NELL1: variants seen among roughly 807,000 people sequenced by gnomAD.
The protein encoded by NELL1 is protein kinase C-binding protein NELL1.
A neutral mutation model predicts 107.4 loss-of-function variants in NELL1; 76 were observed. The observed-to-expected ratio is 0.71, with a 90% confidence interval of 0.59 to 0.86. The LOEUF is 0.86. Ranked by LOEUF, NELL1 falls within the 40% of genes least tolerant of loss-of-function variation. The pLI is 0.00. For synonymous variants in NELL1, 353 were observed against 341.2 expected (o/e 1.03, Z -0.38); for missense variants, 1,024 against 1,005.5 (o/e 1.02, Z -0.25).
At chr11:21,017,301 T>C (rs759726369) in intron 12 of NELL1, among the ~76,000 whole-genome samples, 1 of 152,112 alleles carries the variant, frequency 6.6e-6, no homozygotes, top group African/African-American at 2.4e-5. Flanking sequence ...TGTTTGCTGC[T>C]GTAGCTCTAA....
chr11:21,313,388 G>A (rs1239543345), intron 14 of NELL1, among the ~76,000 whole-genome samples: 1 of 152,080 alleles, frequency 6.6e-6, no homozygotes, highest in Admixed American at 6.6e-5. Context: ...TTAGGCTTGA[G>A]AATCAAGTCA....
chr11:21,435,147 G>T (rs758329662), intron 15 of NELL1, among the ~76,000 whole-genome samples: 35 of 152,080 alleles, frequency 2.3e-4, no homozygotes, highest in Non-Finnish European at 1.0e-4. Context: ...TGCTTTTCCA[G>T]TTTCCATGCA....
intron 14 of NELL1, among the ~76,000 whole-genome samples, chr11:21,364,363 A>G (rs1851161239): frequency 7.2e-6 from 1 of 139,484 alleles, no homozygotes; most frequent in African/African-American, 2.8e-5. Context: ...GTGAGCCGAG[A>G]TCACACCATG....
At chr11:20,936,472 T>A (rs1564975274) in intron 9 of NELL1, among the ~76,000 whole-genome samples, 1 of 152,176 alleles carries the variant, frequency 6.6e-6, no homozygotes, top group South Asian at 2.1e-4. Context: ...ATGGACTAGA[T>A]GACTACTGTT....
chr11:20,714,821 C>G (rs1033533593), intron 2 of NELL1, among the ~76,000 whole-genome samples: 2 of 152,128 alleles, frequency 1.3e-5, no homozygotes, highest in African/African-American at 4.8e-5. Flanking sequence ...AGGGATATAA[C>G]AGTGAAGAAA....
At chr11:21,113,891 T>C (rs1202061544) in intron 13 of NELL1, among the ~76,000 whole-genome samples, 177 bp downstream of exon 13, 41 of 152,004 alleles carry the variant, frequency 2.7e-4, no homozygotes, top group East Asian at 1.9e-4. Flanking sequence ...ATCTGCATAA[T>C]TGATTTCCAC....
intron 12 of NELL1, among the ~76,000 whole-genome samples, chr11:21,057,379 T>TA (rs1378658376): frequency 2.0e-5 from 3 of 152,174 alleles, no homozygotes; most frequent in Non-Finnish European, 4.4e-5. Context: ...CTACTTTTTT[T>TA]ACCAGAGAAA....
intron 14 of NELL1, among the ~76,000 whole-genome samples, chr11:21,262,930 ACTTGT>A (rs1295730079): frequency 6.6e-6 from 1 of 151,568 alleles, no homozygotes; most frequent in Non-Finnish European, 1.5e-5. Flanking sequence ...CAATTTTTAT[ACTTGT>A]CTTCTTATTT....
At position 21,247,642 on chromosome 11, in the gene NELL1, G is replaced by A. The variant is rs184895408; in HGVS notation, c.1549+18188G>A. On this transcript the variant is annotated intron_variant, in intron 14 of 19. Coordinates refer to ENST00000357134, the MANE Select transcript of NELL1 (RefSeq NM_006157.5). ...GAAGGACCTACGTGGGGTATTTTGT[G>A]GTTAACTTTTTAAAATATGTAAGTG... Among the ~76,000 whole-genome samples, 8 of 152,098 alleles carry A rather than the reference G, an allele frequency of 5.3e-5. No individual in the cohort carries two copies. The East Asian group carries it at 1.5e-3, about 29-fold the overall frequency.
At chr11:21,561,779 TGTAA>T (rs1258970925) in intron 17 of NELL1, among the ~76,000 whole-genome samples, 2 of 152,082 alleles carry the variant, frequency 1.3e-5, no homozygotes, top group African/African-American at 4.8e-5. Context: ...CTTCCTTGTA[TGTAA>T]GTGACTGGTG....
At chr11:21,330,554 A>T (rs1850250014) in intron 14 of NELL1, among the ~76,000 whole-genome samples, 1 of 152,036 alleles carries the variant, frequency 6.6e-6, no homozygotes, top group African/African-American at 2.4e-5. Context: ...ATCTCACTAT[A>T]TTCTGGCCTC....
At chr11:21,008,354 T>C (rs1852374531) in intron 12 of NELL1, among the ~76,000 whole-genome samples, 1 of 152,174 alleles carries the variant, frequency 6.6e-6, no homozygotes, top group South Asian at 2.1e-4. Context: ...AAAGATTCAA[T>C]GAATATTTAT....
intron 15 of NELL1, among the ~76,000 whole-genome samples, chr11:21,458,666 A>G (rs1425768563): frequency 6.6e-6 from 1 of 152,152 alleles, no homozygotes; most frequent in African/African-American, 2.4e-5. Context: ...AAAAATAAAG[A>G]TTTAAAGAAA....
At chr11:21,015,475 A>G (rs2134293239) in intron 12 of NELL1, among the ~76,000 whole-genome samples, 1 of 152,150 alleles carries the variant, frequency 6.6e-6, no homozygotes, top group African/African-American at 2.4e-5. Context: ...TGGCCTGACA[A>G]TGTATTTGCC....
intron 14 of NELL1, among the ~76,000 whole-genome samples, chr11:21,320,013 G>C (rs1459555077): frequency 1.3e-5 from 2 of 150,872 alleles, no homozygotes; most frequent in Non-Finnish European, 2.9e-5. Flanking sequence ...ATAGGAATTG[G>C]GGATATACCT....
intron 2 of NELL1, among the ~76,000 whole-genome samples, chr11:20,779,182 G>GTA (rs1856808183): frequency 6.6e-6 from 1 of 152,206 alleles, no homozygotes. Context: ...CTCAAGGATA[G>GTA]TATATGTGGG....
chr11:20,706,138 C>G (rs1046151004), intron 2 of NELL1, among the ~76,000 whole-genome samples: 5 of 152,122 alleles, frequency 3.3e-5, no homozygotes, highest in Non-Finnish European at 7.4e-5. Context: ...ACTAGAAATA[C>G]CGTTTGACCC....
At chr11:20,755,600 A>G (rs1189996852) in intron 2 of NELL1, among the ~76,000 whole-genome samples, 2 of 143,768 alleles carry the variant, frequency 1.4e-5, no homozygotes, top group East Asian at 4.1e-4. Context: ...CTGTTACCCA[A>G]GCTGGAGTAC....
At chr11:21,011,872 G>A (rs78915771) in intron 12 of NELL1, among the ~76,000 whole-genome samples, 1,547 of 152,144 alleles carry the variant, frequency 0.01, 23 homozygotes, top group African/African-American at 0.035. Context: ...TATTAAATAA[G>A]CATTCCACAA....
Sources: allele counts gnomAD v4.1 joint callset (sites outside exome capture counted in the v4.1 genomes callset), GRCh38; gene constraint gnomAD v4.1.1; transcripts MANE v1.5; gene names NCBI Gene and HGNC (gene_info 2026-07-23, HGNC 2026-07-21).